ZNF438: variants seen among roughly 807,000 people sequenced by gnomAD.
ZNF438 encodes zinc finger protein 438.
Under a neutral mutation model 38.0 loss-of-function variants are expected in ZNF438, and 25 were observed. The ratio of observed to expected loss-of-function variants is 0.66; its 90% CI spans 0.48 to 0.92. The LOEUF is 0.92. Ranked by LOEUF, ZNF438 falls within the 40% of genes least tolerant of loss-of-function variation. ZNF438 has a pLI of 0.00. For missense variants in ZNF438, 1,007 were observed against 999.6 expected (o/e 1.01, Z -0.10); for synonymous variants, 372 against 364.1 (o/e 1.02, Z -0.25).
At chr10:30,850,790 C>T (rs2033472212) in intron 4 of ZNF438, among the ~76,000 whole-genome samples, 1 of 152,190 alleles carries the variant, frequency 6.6e-6, no homozygotes, top group Non-Finnish European at 1.5e-5. Flanking sequence ...ACATGTTCTG[C>T]TTTCCCTATT....
chr10:30,888,431 T>C (rs993334529), intron 3 of ZNF438, among the ~76,000 whole-genome samples: 5 of 151,990 alleles, frequency 3.3e-5, no homozygotes, highest in Non-Finnish European at 7.4e-5. Flanking sequence ...GGTAAACTCA[T>C]GTCATGGGAG....
chr10:30,849,378 C>A, exon 5 of ZNF438: 1 of 1,614,200 alleles, frequency 6.2e-7, no homozygotes, highest in Non-Finnish European at 8.5e-7. Context: ...AGCCTGCTTG[C>A]CACCTTGGTG....
At chr10:30,883,825 G>A (rs1316973912) in intron 3 of ZNF438, among the ~76,000 whole-genome samples, 1 of 152,198 alleles carries the variant, frequency 6.6e-6, no homozygotes, top group African/African-American at 2.4e-5. Context: ...GGTTGAGGTT[G>A]CAGTGAGCCC....
chr10:31,025,277 G>T (rs1029682775), intron 1 of ZNF438, among the ~76,000 whole-genome samples: 1 of 152,224 alleles, frequency 6.6e-6, no homozygotes, highest in Non-Finnish European at 1.5e-5. Context: ...ATAATTTTCT[G>T]TTGTTGAGAA....
At chr10:30,860,578 C>G (rs755355035) in intron 4 of ZNF438, among the ~76,000 whole-genome samples, 6 of 152,192 alleles carry the variant, frequency 3.9e-5, no homozygotes, top group Admixed American at 1.3e-4. Context: ...TTGACACTCA[C>G]GCTGGTAGCT....
chr10:30,874,152 A>G (rs2038034456), intron 4 of ZNF438, among the ~76,000 whole-genome samples: 4 of 99,210 alleles, frequency 4.0e-5, no homozygotes, highest in African/African-American at 1.6e-4. Context: ...ATATATATAT[A>G]TATATATATA....
At chr10:31,029,869 A>G (rs1203260728) in intron 1 of ZNF438, among the ~76,000 whole-genome samples, 2 of 152,162 alleles carry the variant, frequency 1.3e-5, no homozygotes, top group Non-Finnish European at 2.9e-5. Context: ...ACCACCTCAG[A>G]GCATTGTCCT....
At chr10:30,946,199 C>T (rs149673265) in intron 1 of ZNF438, among the ~76,000 whole-genome samples, 3,059 of 151,752 alleles carry the variant, frequency 0.02, 75 homozygotes, top group African/African-American at 0.058. Context: ...CAATTCAAGA[C>T]GGATTAAAGA....
At chr10:30,847,121 T>G (rs376041977) in intron 5 of ZNF438, among the ~76,000 whole-genome samples, 3 of 152,316 alleles carry the variant, frequency 2.0e-5, no homozygotes, top group East Asian at 1.9e-4. Flanking sequence ...AAGAAGCTCC[T>G]GGGCAGAAAA....
chr10:30,872,109 G>T (rs1043313420), intron 4 of ZNF438, among the ~76,000 whole-genome samples: 9 of 152,054 alleles, frequency 5.9e-5, no homozygotes, highest in Non-Finnish European at 1.0e-4. Flanking sequence ...AGAATTGAGA[G>T]ACTCGGCCAG....
intron 1 of ZNF438, among the ~76,000 whole-genome samples, chr10:31,027,346 A>T (rs1034499476): frequency 1.3e-5 from 2 of 152,158 alleles, no homozygotes; most frequent in African/African-American, 4.8e-5. Context: ...CATATATATA[A>T]AAGTACTCAT....
intron 1 of ZNF438, among the ~76,000 whole-genome samples, chr10:30,945,388 C>CTTTTTTTTTT (rs61149961): frequency 2.8e-5 from 4 of 141,144 alleles, no homozygotes; most frequent in East Asian, 4.1e-4. Flanking sequence ...GATTCTTTTA[C>CTTTTTTTTTT]TTTTTTTTTT....
intron 1 of ZNF438, among the ~76,000 whole-genome samples, chr10:30,983,917 C>G (rs2052494882): frequency 6.6e-6 from 1 of 152,052 alleles, no homozygotes; most frequent in Non-Finnish European, 1.5e-5. Context: ...TCTTACATAA[C>G]CACAGGACAT....
chr10:30,860,256 C>A (rs2035352223), intron 4 of ZNF438, among the ~76,000 whole-genome samples: 1 of 152,186 alleles, frequency 6.6e-6, no homozygotes. Context: ...AACAGACAAG[C>A]CTTGCTGGGT....
At chr10:30,985,382 A>C (rs1003459779) in intron 1 of ZNF438, among the ~76,000 whole-genome samples, 2 of 152,230 alleles carry the variant, frequency 1.3e-5, no homozygotes, top group Non-Finnish European at 2.9e-5. Context: ...TTTTTAAAAA[A>C]ATGCACTTAG....
At chr10:30,937,745 T>A (rs2135440785) in intron 2 of ZNF438, among the ~76,000 whole-genome samples, 1 of 152,362 alleles carries the variant, frequency 6.6e-6, no homozygotes. Context: ...GTGGCTCTTC[T>A]CTTTATTACC....
intron 1 of ZNF438, among the ~76,000 whole-genome samples, chr10:31,029,276 T>C (rs1441279347): frequency 2.0e-5 from 3 of 152,112 alleles, no homozygotes; most frequent in African/African-American, 7.2e-5. Flanking sequence ...TGAATTAATA[T>C]AGGTTAAAGT....
At chr10:31,007,083 T>C (rs1203565093) in intron 1 of ZNF438, among the ~76,000 whole-genome samples, 2 of 151,936 alleles carry the variant, frequency 1.3e-5, no homozygotes, top group African/African-American at 4.8e-5. Context: ...TCTCTGAAGA[T>C]GCAAAGAGAC....
At chr10:30,904,394 G>T (rs2042366408) in intron 3 of ZNF438, among the ~76,000 whole-genome samples, 1 of 151,984 alleles carries the variant, frequency 6.6e-6, no homozygotes, top group Non-Finnish European at 1.5e-5. Context: ...ATTTTATCTT[G>T]CAAAAAGCCT....
Sources: allele counts gnomAD v4.1 joint callset (sites outside exome capture counted in the v4.1 genomes callset), GRCh38; gene constraint gnomAD v4.1.1; transcripts MANE v1.5; gene names NCBI Gene and HGNC (gene_info 2026-07-23, HGNC 2026-07-21).